The following TBC1D5 variants were observed in gnomAD, a reference collection of about 807,000 sequenced individuals.
TBC1D5 encodes TBC1 domain family member 5, also known as TBC1 domain family, member 5.
TBC1D5 carries 75 observed loss-of-function variants against 100.3 expected under a neutral mutation model. The ratio of observed to expected loss-of-function variants is 0.75; its 90% CI spans 0.62 to 0.91. The LOEUF is 0.91. Among genes scored for constraint, TBC1D5 ranks in the 40% least tolerant of loss-of-function variants. The pLI is 0.00. For missense variants in TBC1D5, 910 were observed against 942.4 expected, an observed-to-expected ratio of 0.97 and a Z score of 0.45; for synonymous variants, 323 against 325.6, an observed-to-expected ratio of 0.99 and a Z score of 0.09.
intron 17 of TBC1D5, among the ~76,000 whole-genome samples, chr3:17,217,079 C>G (rs540397460): frequency 3.9e-5 from 6 of 152,252 alleles, no homozygotes; most frequent in African/African-American, 1.2e-4. Flanking sequence ...CTACTTCTGG[C>G]TCTATGAATT....
At chr3:17,734,104 A>G (rs1287524728) in intron 1 of TBC1D5, among the ~76,000 whole-genome samples, 1 of 152,226 alleles carries the variant, frequency 6.6e-6, no homozygotes, top group African/African-American at 2.4e-5. Context: ...GCACGAAGGG[A>G]TATTAGCTGT....
At chr3:17,628,728 T>C (rs1215553852) in intron 1 of TBC1D5, among the ~76,000 whole-genome samples, 1 of 152,204 alleles carries the variant, frequency 6.6e-6, no homozygotes, top group Non-Finnish European at 1.5e-5. Context: ...TAGGAATTGT[T>C]AGGATAACTT....
intron 3 of TBC1D5, among the ~76,000 whole-genome samples, chr3:17,470,347 T>C (rs551505983): frequency 2.2e-4 from 34 of 152,298 alleles, no homozygotes; most frequent in African/African-American, 7.7e-4. Flanking sequence ...TAAAGCACCA[T>C]TGCTTATATC....
At chr3:17,733,354 T>C (rs1379057642) in intron 1 of TBC1D5, among the ~76,000 whole-genome samples, 1 of 152,216 alleles carries the variant, frequency 6.6e-6, no homozygotes, top group Non-Finnish European at 1.5e-5. Context: ...CATAAGGATC[T>C]TACCGGAAGA....
intron 2 of TBC1D5, among the ~76,000 whole-genome samples, chr3:17,609,395 C>G (rs1339141635): frequency 2.0e-5 from 3 of 152,158 alleles, no homozygotes; most frequent in Non-Finnish European, 4.4e-5. Flanking sequence ...CTTCCCCAAG[C>G]CTTTATACTC....
At chr3:17,247,904 C>T (rs2076868373) in intron 16 of TBC1D5, among the ~76,000 whole-genome samples, 2 of 152,146 alleles carry the variant, frequency 1.3e-5, no homozygotes, top group South Asian at 4.1e-4. Context: ...CATGAGACTG[C>T]AGCAATTTGG....
At chr3:17,292,690 G>A (rs1234022038) in intron 14 of TBC1D5, among the ~76,000 whole-genome samples, 1 of 151,998 alleles carries the variant, frequency 6.6e-6, no homozygotes, top group African/African-American at 2.4e-5. Context: ...GCAGGTCTAT[G>A]TAGACTACTT....
At chr3:17,519,724 T>C (rs951854732) in intron 2 of TBC1D5, among the ~76,000 whole-genome samples, 1 of 152,350 alleles carries the variant, frequency 6.6e-6, no homozygotes, top group East Asian at 1.9e-4. Context: ...AATTGAGCTA[T>C]ACTTGTTCTA....
intron 13 of TBC1D5, among the ~76,000 whole-genome samples, chr3:17,344,725 A>G (rs1005614435): frequency 2.0e-5 from 3 of 152,164 alleles, no homozygotes; most frequent in Non-Finnish European, 4.4e-5. Flanking sequence ...AGAGATATAG[A>G]TCAATGGAAC....
chr3:17,528,029 C>A (rs898256916), intron 2 of TBC1D5, among the ~76,000 whole-genome samples: 1 of 151,904 alleles, frequency 6.6e-6, no homozygotes, highest in African/African-American at 2.4e-5. Context: ...AAATTTAATC[C>A]CCAATGCAAC....
intron 18 of TBC1D5, among the ~76,000 whole-genome samples, chr3:17,198,176 A>C (rs1457948982): frequency 6.6e-6 from 1 of 152,226 alleles, no homozygotes; most frequent in Non-Finnish European, 1.5e-5. Flanking sequence ...AGTGTTTATG[A>C]AACAGAAGTG....
intron 1 of TBC1D5, among the ~76,000 whole-genome samples, chr3:17,646,366 G>T (rs2065016073): frequency 6.6e-6 from 1 of 151,948 alleles, no homozygotes; most frequent in Non-Finnish European, 1.5e-5. Context: ...CTCAGTTTTT[G>T]GTTCTTTGTT....
intron 2 of TBC1D5, among the ~76,000 whole-genome samples, chr3:17,605,204 ACTC>A (rs2061260470): frequency 6.6e-6 from 1 of 152,084 alleles, no homozygotes; most frequent in Non-Finnish European, 1.5e-5. Flanking sequence ...TGAATGAGTG[ACTC>A]ATCAACATGG....
chr3:17,426,318 G>C (rs916000630), intron 4 of TBC1D5, among the ~76,000 whole-genome samples: 9 of 152,076 alleles, frequency 5.9e-5, no homozygotes, highest in Non-Finnish European at 8.8e-5. Flanking sequence ...CTATACCACA[G>C]AGCTGTGCTT....
chr3:17,442,885 G>A (rs1412187215), intron 3 of TBC1D5, among the ~76,000 whole-genome samples: 3 of 151,862 alleles, frequency 2.0e-5, no homozygotes, highest in African/African-American at 7.3e-5. Flanking sequence ...AGAGGAGAGG[G>A]AGAAGAAGCG....
intron 1 of TBC1D5, among the ~76,000 whole-genome samples, chr3:17,627,442 T>C (rs2063148479): frequency 6.6e-6 from 1 of 152,158 alleles, no homozygotes; most frequent in Non-Finnish European, 1.5e-5. Flanking sequence ...CTGAAAATTA[T>C]ACTACACTAA....
intron 13 of TBC1D5, among the ~76,000 whole-genome samples, chr3:17,326,998 T>C (rs1215862220): frequency 6.6e-6 from 1 of 152,150 alleles, no homozygotes; most frequent in Admixed American, 6.5e-5. Context: ...CTAACCACCT[T>C]TCACCAACTA....
chr3:17,695,662 C>T (rs1264275200), intron 1 of TBC1D5, among the ~76,000 whole-genome samples: 1 of 152,110 alleles, frequency 6.6e-6, no homozygotes, highest in Non-Finnish European at 1.5e-5. Flanking sequence ...GACTTTAACA[C>T]CCCACTGTCA....
chr3:17,713,432 C>T (rs773236713), intron 1 of TBC1D5, among the ~76,000 whole-genome samples: 40 of 151,882 alleles, frequency 2.6e-4, no homozygotes, highest in Admixed American at 2.2e-3. Context: ...TTAGTACAGA[C>T]AGGGTTTCAC....
Sources: allele counts gnomAD v4.1 joint callset (sites outside exome capture counted in the v4.1 genomes callset), GRCh38; gene constraint gnomAD v4.1.1; transcripts MANE v1.5; gene names NCBI Gene and HGNC (gene_info 2026-07-23, HGNC 2026-07-21).